FBXO4: variants seen among roughly 807,000 people sequenced by gnomAD.
FBXO4 encodes the protein F-box only protein 4.
In FBXO4, 36 loss-of-function variants were observed where a neutral mutation model predicts 43.7. That is an observed-to-expected ratio of 0.82 (90% CI 0.63 to 1.09). The LOEUF is 1.09. FBXO4 is among the 50% of genes least tolerant of loss of function. The pLI, the probability that FBXO4 is intolerant of heterozygous loss-of-function variation, is 0.00. For missense variants in FBXO4, 435 were observed against 474.1 expected, an observed-to-expected ratio of 0.92 and a Z score of 0.77; for synonymous variants, 180 against 165.6, an observed-to-expected ratio of 1.09 and a Z score of -0.67.
chr5:42,028,053 A>G, the FBXO4 span, among the ~76,000 whole-genome samples: 269 of 152,002 alleles, frequency 1.8e-3, 4 homozygotes, highest in Admixed American at 0.015. Context: ...TCCATTTGGT[A>G]TACAGAGCAC....
chr5:41,978,584 T>C, the FBXO4 span, among the ~76,000 whole-genome samples: 46 of 152,202 alleles, frequency 3.0e-4, no homozygotes, highest in African/African-American at 1.1e-3. Flanking sequence ...TGAAAATAAC[T>C]TTTGAATGAC....
the FBXO4 span, among the ~76,000 whole-genome samples, chr5:42,028,365 G>T: frequency 6.6e-6 from 1 of 151,586 alleles, no homozygotes; most frequent in Admixed American, 6.6e-5. Flanking sequence ...GGTTTCCATT[G>T]GCATGGAATT....
At chr5:41,955,926 C>T in the FBXO4 span, among the ~76,000 whole-genome samples, 1 of 152,150 alleles carries the variant, frequency 6.6e-6, no homozygotes, top group Non-Finnish European at 1.5e-5. Flanking sequence ...CTCAATACTG[C>T]TCTGCTTCTT....
At chr5:42,028,584 T>C in the FBXO4 span, among the ~76,000 whole-genome samples, 1 of 151,708 alleles carries the variant, frequency 6.6e-6, no homozygotes, top group South Asian at 2.1e-4. Context: ...TTTCTGGTTG[T>C]CCTGTGCTCA....
the FBXO4 span, among the ~76,000 whole-genome samples, chr5:41,982,612 C>A: frequency 1.3e-5 from 2 of 152,038 alleles, no homozygotes; most frequent in South Asian, 4.1e-4. Context: ...TATTTATTTA[C>A]AAAATCATAT....
the FBXO4 span, among the ~76,000 whole-genome samples, chr5:42,028,969 G>A: frequency 6.6e-6 from 1 of 152,020 alleles, no homozygotes; most frequent in Non-Finnish European, 1.5e-5. Flanking sequence ...CAGAGGATGA[G>A]TAGTTTACAC....
At chr5:41,944,059 T>C (rs1320669618), downstream of FBXO4, among the ~76,000 whole-genome samples, 1 of 152,254 alleles carries the variant, frequency 6.6e-6, no homozygotes, top group African/African-American at 2.4e-5. Flanking sequence ...AAAATAAATT[T>C]CTGTTGTTTA....
the FBXO4 span, among the ~76,000 whole-genome samples, chr5:41,972,058 C>G: frequency 6.6e-6 from 1 of 152,022 alleles, no homozygotes; most frequent in African/African-American, 2.4e-5. Context: ...CTCATCACCT[C>G]TATTCAACAT....
At chr5:42,039,448 G>C in the FBXO4 span, among the ~76,000 whole-genome samples, 11 of 152,062 alleles carry the variant, frequency 7.2e-5, no homozygotes, top group Admixed American at 5.9e-4. Context: ...CTCCTTGCTT[G>C]ATGTTAAACT....
chr5:41,930,566 G>A (rs1272948773), intron 3 of FBXO4, among the ~76,000 whole-genome samples: 1 of 152,126 alleles, frequency 6.6e-6, no homozygotes, highest in East Asian at 1.9e-4. Context: ...TATTGATGAT[G>A]TCTCATATGA....
At chr5:42,036,481 CG>C in the FBXO4 span, among the ~76,000 whole-genome samples, 1 of 152,130 alleles carries the variant, frequency 6.6e-6, no homozygotes, top group African/African-American at 2.4e-5. Context: ...TAAAATAAAA[CG>C]GGTCGTTAGC....
chr5:41,946,081 G>T (rs185039470), downstream of FBXO4, among the ~76,000 whole-genome samples: 604 of 152,018 alleles, frequency 4.0e-3, 9 homozygotes, highest in African/African-American at 0.014. Flanking sequence ...ACCTACCCAC[G>T]CCCTCACTAA....
chr5:41,975,640 C>T, the FBXO4 span, among the ~76,000 whole-genome samples: 1 of 152,112 alleles, frequency 6.6e-6, no homozygotes, highest in African/African-American at 2.4e-5. Flanking sequence ...CTATACTAAA[C>T]TACTTTTATT....
chr5:42,004,587 G>C, the FBXO4 span, among the ~76,000 whole-genome samples: 1 of 152,112 alleles, frequency 6.6e-6, no homozygotes, highest in Non-Finnish European at 1.5e-5. Context: ...ATTTGGTTTT[G>C]AAAAGTTGGT....
the FBXO4 span, among the ~76,000 whole-genome samples, chr5:41,963,408 A>G: frequency 2.0e-4 from 30 of 152,146 alleles, no homozygotes; most frequent in Non-Finnish European, 4.0e-4. Flanking sequence ...AATGGTGGTG[A>G]TTAATTATGT....
At chr5:41,947,939 A>G in the FBXO4 span, among the ~76,000 whole-genome samples, 26,767 of 152,110 alleles carry the variant, frequency 0.18, 2,541 homozygotes, top group Middle Eastern at 0.3. Flanking sequence ...GAGAGAGGCA[A>G]GCTACTCAAT....
At chr5:41,982,823 C>T in the FBXO4 span, among the ~76,000 whole-genome samples, 1 of 151,994 alleles carries the variant, frequency 6.6e-6, no homozygotes, top group African/African-American at 2.4e-5. Context: ...ACCCATCAAC[C>T]CGTTATCTAC....
At chr5:41,951,213 A>C in the FBXO4 span, 1 of 158,958 alleles carries the variant, frequency 6.3e-6, no homozygotes, top group African/African-American at 2.4e-5. Context: ...AAGTATAATG[A>C]TAAAAATAAA....
chr5:42,021,746 G>T, the FBXO4 span, among the ~76,000 whole-genome samples: 4 of 152,104 alleles, frequency 2.6e-5, no homozygotes, highest in African/African-American at 9.7e-5. Context: ...TTGGGTAGGA[G>T]ACTTTCGCTT....
Sources: allele counts gnomAD v4.1 joint callset (sites outside exome capture counted in the v4.1 genomes callset), GRCh38; gene constraint gnomAD v4.1.1; transcripts MANE v1.5; gene names NCBI Gene and HGNC (gene_info 2026-07-23, HGNC 2026-07-21).